The following CTNNA3 variants were observed in gnomAD, a reference collection of about 807,000 sequenced individuals.
The protein encoded by CTNNA3 is catenin alpha-3.
In CTNNA3, 76 loss-of-function variants were observed where a neutral mutation model predicts 95.7. That is an observed-to-expected ratio of 0.79 (90% CI 0.66 to 0.96). The LOEUF (loss-of-function observed/expected upper bound fraction) is 0.96, where lower values mean the gene tolerates loss of function less well. Among genes scored for constraint, CTNNA3 ranks in the 40% least tolerant of loss-of-function variants. The pLI is 0.00. For synonymous variants in CTNNA3, 431 were observed against 374.4 expected (o/e 1.15, Z -1.74); for missense variants, 1,191 against 1,089.8 (o/e 1.09, Z -1.31).
intron 1 of CTNNA3, among the ~76,000 whole-genome samples, chr10:67,726,433 A>ATATATAATATATAT (rs1841221155): frequency 1.8e-3 from 2 of 1,104 alleles, no homozygotes; most frequent in South Asian, 0.028. Flanking sequence ...ATATTATATC[A>ATATATAATATATAT]TATATAATAT....
chr10:66,427,954 T>A (rs547653345), intron 11 of CTNNA3, among the ~76,000 whole-genome samples: 2 of 152,176 alleles, frequency 1.3e-5, no homozygotes, highest in South Asian at 4.2e-4. Context: ...AGACACAGAC[T>A]GGCAAATTGG....
At chr10:66,256,895 G>A (rs541925491) in intron 13 of CTNNA3, among the ~76,000 whole-genome samples, 3 of 152,236 alleles carry the variant, frequency 2.0e-5, no homozygotes, top group Admixed American at 2.0e-4. Flanking sequence ...GAGTAGAAAA[G>A]GTTCCTAACC....
At chr10:66,538,130 T>C (rs1196796259) in intron 10 of CTNNA3, among the ~76,000 whole-genome samples, 4 of 152,154 alleles carry the variant, frequency 2.6e-5, no homozygotes, top group Admixed American at 2.6e-4. Context: ...CCTCATTGCC[T>C]GAAAACAACC....
intron 17 of CTNNA3, among the ~76,000 whole-genome samples, chr10:65,941,516 G>A (rs1463982046): frequency 6.6e-6 from 1 of 152,166 alleles, no homozygotes; most frequent in African/African-American, 2.4e-5. Context: ...TAAAGCCAGA[G>A]TCTGCATTTT....
chr10:67,670,722 A>G (rs979149122), intron 1 of CTNNA3, among the ~76,000 whole-genome samples: 3 of 152,136 alleles, frequency 2.0e-5, no homozygotes, highest in African/African-American at 7.2e-5. Context: ...AGTCTATGAA[A>G]AGCCTGTTTT....
intron 5 of CTNNA3, among the ~76,000 whole-genome samples, chr10:67,446,908 AT>A (rs1471148077): frequency 1.3e-5 from 2 of 152,190 alleles, no homozygotes; most frequent in Admixed American, 1.3e-4. Context: ...GATCGAGACC[AT>A]CCTGGCTAAC....
At chr10:67,728,153 T>TAGAGTTTCTAAGAATATA (rs1407416155) in intron 1 of CTNNA3, among the ~76,000 whole-genome samples, 1 of 146,506 alleles carries the variant, frequency 6.8e-6, no homozygotes, top group African/African-American at 2.5e-5. Context: ...TATTATACTT[T>TAGAGTTTCTAAGAATATA]AGAGTTTCTA....
intron 1 of CTNNA3, among the ~76,000 whole-genome samples, chr10:67,733,768 A>G (rs1841288824): frequency 6.6e-6 from 1 of 152,104 alleles, no homozygotes; most frequent in Non-Finnish European, 1.5e-5. Context: ...ACCCTATTAC[A>G]TTGCCACTCA....
chr10:67,554,092 T>C (rs907412071), intron 3 of CTNNA3, among the ~76,000 whole-genome samples: 2 of 152,216 alleles, frequency 1.3e-5, no homozygotes, highest in Non-Finnish European at 2.9e-5. Flanking sequence ...CATCAACCCA[T>C]CCTTTTTTAT....
intron 11 of CTNNA3, among the ~76,000 whole-genome samples, chr10:66,384,125 T>C (rs1322230949): frequency 6.6e-6 from 1 of 152,052 alleles, no homozygotes; most frequent in Non-Finnish European, 1.5e-5. Context: ...ATGGGCTAAA[T>C]ACCCCAATTA....
At position 66,777,781 on chromosome 10, in the gene CTNNA3, ACACACACACACACACATG is replaced by A. The variant is rs1429289407; in HGVS notation, c.1048-2275_1048-2258del. Among the ~76,000 whole-genome samples the A allele has an allele frequency of 4.8e-5, 6 of 124,132 alleles. No individual in the cohort carries two copies. The Admixed American group carries it at 5.0e-4, about 10-fold the overall frequency. 81.4% of individuals were successfully genotyped at this position (124,132 alleles called of 152,430 possible). On this transcript the variant is annotated intron_variant, in intron 7 of 17. Coordinates refer to ENST00000433211, the MANE Select transcript of CTNNA3 (RefSeq NM_013266.4). The stretch of plus-strand genomic sequence containing the variant: ...ACCTCCTACACACACACACACACAC[ACACACACACACACACATG>A]CACACACACACACACACACACAGTA...
intron 15 of CTNNA3, among the ~76,000 whole-genome samples, chr10:66,064,280 G>A (rs113704164): frequency 5.3e-4 from 80 of 152,260 alleles, no homozygotes; most frequent in African/African-American, 1.9e-3. Context: ...CCTTCACCTG[G>A]TCTCTCCCTT....
intron 5 of CTNNA3, among the ~76,000 whole-genome samples, chr10:67,359,465 G>A (rs1006908694): frequency 1.3e-5 from 2 of 152,014 alleles, no homozygotes; most frequent in African/African-American, 2.4e-5. Flanking sequence ...AGAAAAAGTT[G>A]AAAGCCAATC....
At chr10:66,946,443 A>G (rs1848280784) in intron 7 of CTNNA3, among the ~76,000 whole-genome samples, 1 of 152,148 alleles carries the variant, frequency 6.6e-6, no homozygotes, top group South Asian at 2.1e-4. Flanking sequence ...TGGTCAATGT[A>G]CAGCTTGATG....
chr10:66,784,345 A>G (rs1242673565), intron 7 of CTNNA3, among the ~76,000 whole-genome samples: 1 of 152,176 alleles, frequency 6.6e-6, no homozygotes, highest in Non-Finnish European at 1.5e-5. Flanking sequence ...GGATGCATAA[A>G]TATATTCTTT....
At chr10:66,324,185 T>C (rs143594790) in intron 12 of CTNNA3, among the ~76,000 whole-genome samples, 2 of 151,646 alleles carry the variant, frequency 1.3e-5, no homozygotes, top group Non-Finnish European at 2.9e-5. Flanking sequence ...CCAGGTGTGG[T>C]GGCGCACACC....
intron 12 of CTNNA3, among the ~76,000 whole-genome samples, chr10:66,326,291 T>A (rs1047652689): frequency 6.6e-6 from 1 of 152,120 alleles, no homozygotes; most frequent in Non-Finnish European, 1.5e-5. Context: ...AATGCTCTCA[T>A]CACTCTTTAT....
At chr10:67,524,160 T>C (rs1016946782) in intron 4 of CTNNA3, among the ~76,000 whole-genome samples, 1 of 151,876 alleles carries the variant, frequency 6.6e-6, no homozygotes, top group African/African-American at 2.4e-5. Context: ...TCCCAGCACT[T>C]TGGGAGGCCG....
chr10:66,295,515 T>A (rs558045145), intron 12 of CTNNA3, among the ~76,000 whole-genome samples: 1 of 152,252 alleles, frequency 6.6e-6, no homozygotes, highest in South Asian at 2.1e-4. Context: ...TGATTGCACA[T>A]GTAGGGGGCT....
Sources: gnomAD v4.1 joint callset for allele counts (sites outside exome capture counted in the v4.1 genomes callset) on GRCh38, gnomAD v4.1.1 for gene constraint, MANE v1.5 for transcripts, NCBI Gene and HGNC (gene_info 2026-07-23, HGNC 2026-07-21) for gene names.